Variants in TOP1MT observed in about 807,000 individuals in gnomAD.
TOP1MT encodes the protein DNA topoisomerase I, mitochondrial.
Under a neutral mutation model 73.9 loss-of-function variants are expected in TOP1MT, and 80 were observed. The ratio of observed to expected loss-of-function variants is 1.08; its 90% CI spans 0.90 to 1.30. The LOEUF (loss-of-function observed/expected upper bound fraction) is 1.30, where lower values mean the gene tolerates loss of function less well. Among genes scored for constraint, TOP1MT ranks in the 50% most tolerant of loss-of-function variants. The pLI is 0.00. For synonymous variants in TOP1MT, 338 were observed against 326.4 expected, an observed-to-expected ratio of 1.04 and a Z score of -0.38; for missense variants, 815 against 808.0, an observed-to-expected ratio of 1.01 and a Z score of -0.10.
intron 2 of TOP1MT, among the ~76,000 whole-genome samples, chr8:143,330,271 C>A (rs1816817081): frequency 6.6e-6 from 1 of 152,188 alleles, no homozygotes; most frequent in Non-Finnish European, 1.5e-5. Context: ...TCCACCATGG[C>A]CCTGCATAAG....
chr8:143,343,433 G>C lies in TOP1MT; in HGVS notation c.-38-147C>G, dbSNP rs1457838335. ...ATTTTTCAAAAGTACACCTGGCAAA[G>C]CTGCTGGTGACCCACGTGCTGGGCA... On this transcript the variant is annotated intron_variant, in intron 1 of 5. Coordinates refer to the TOP1MT transcript ENST00000518007. 5 of 355,138 alleles carry C rather than the reference G, an allele frequency of 1.4e-5. No individual in the cohort carries two copies. The East Asian group carries it at 3.8e-4, about 27-fold the overall frequency. The allele number at this position is 355,138 out of a possible 1,614,324, so 22.0% of individuals were successfully genotyped here.
At chr8:143,343,546 C>T (rs527430162) in intron 1 of TOP1MT, 3 of 284,756 alleles carry the variant, frequency 1.1e-5, no homozygotes, top group South Asian at 3.4e-5. Flanking sequence ...TCTCAGGCCC[C>T]TCCCGGCCTC....
chr8:143,330,947 A>AGGGGGGGGGGGGGGGGGGGGGG (rs140746863), intron 2 of TOP1MT, among the ~76,000 whole-genome samples: 12 of 59,742 alleles, frequency 2.0e-4, no homozygotes, highest in African/African-American at 6.1e-4. Flanking sequence ...GGGGGGAGGG[A>AGGGGGGGGGGGGGGGGGGGGGG]GGGGGGGTCC....
intron 8 of TOP1MT, among the ~76,000 whole-genome samples, chr8:143,318,419 G>A (rs1816236858): frequency 6.6e-6 from 1 of 152,230 alleles, no homozygotes; most frequent in Non-Finnish European, 1.5e-5. Flanking sequence ...CCACACCCTT[G>A]TAATGTGAGA....
upstream of TOP1MT, chr8:143,335,021 G>C (rs867924364): frequency 2.5e-5 from 18 of 718,066 alleles, no homozygotes; most frequent in Middle Eastern, 5.0e-4. Flanking sequence ...TGCGGCAGCA[G>C]GACCACTGAC....
At chr8:143,323,285 C>A (rs1816582391) in intron 7 of TOP1MT, among the ~76,000 whole-genome samples, 2 of 99,914 alleles carry the variant, frequency 2.0e-5, no homozygotes, top group Non-Finnish European at 2.0e-5. Flanking sequence ...ACACGCACGC[C>A]ACACACGCAC....
Position 143,315,901 on chromosome 8 carries a change from G to A in TOP1MT, c.1459-80C>T, listed in dbSNP as rs1816145933. On this transcript the variant is annotated intron_variant, in intron 11 of 13. Coordinates refer to ENST00000329245, the MANE Select transcript of TOP1MT (RefSeq NM_052963.3). Reference sequence around the variant, plus strand: ...GTGCCCACACCCTTCCACACCCTACGTGCCCACCGCAGCTGGCTCCCAGGC... The same window carrying A: ...GTGCCCACACCCTTCCACACCCTACATGCCCACCGCAGCTGGCTCCCAGGC... The A allele has an allele frequency of 6.2e-6, 10 of 1,604,864 alleles. No individual in the cohort carries two copies. In the East Asian group the frequency reaches 6.7e-5, roughly 11 times the overall value.
intron 12 of TOP1MT, among the ~76,000 whole-genome samples, chr8:143,310,855 A>G (rs6997070): frequency 0.89 from 134,851 of 152,310 alleles, 59,879 homozygotes; most frequent in African/African-American, 0.97. Context: ...GGGCCGAGGG[A>G]CACATGAGGG....
chr8:143,323,102 C>CACAG (rs1816562651), intron 7 of TOP1MT, among the ~76,000 whole-genome samples: 1 of 139,380 alleles, frequency 7.2e-6, no homozygotes. Context: ...ATGCCAAACA[C>CACAG]GCACGCCACA....
At chr8:143,316,212 A>C in intron 10 of TOP1MT, 86 bp from the exon 11 acceptor site, 1 of 1,592,602 alleles carries the variant, frequency 6.3e-7, no homozygotes, top group Non-Finnish European at 8.6e-7. Flanking sequence ...CGCGCCACAC[A>C]GCGCAGCCCC....
At chr8:143,315,076 C>G (rs548547270) in intron 12 of TOP1MT, among the ~76,000 whole-genome samples, 17 of 152,162 alleles carry the variant, frequency 1.1e-4, no homozygotes, top group Non-Finnish European at 2.1e-4. Flanking sequence ...AGGAAAAACA[C>G]CTGCCACTTA....
intron 1 of TOP1MT, among the ~76,000 whole-genome samples, 184 bp from the exon 2 acceptor site, chr8:143,331,523 G>A (rs540812745): frequency 7.3e-4 from 111 of 152,244 alleles, no homozygotes; most frequent in African/African-American, 2.6e-3. Flanking sequence ...CCCCATGCCC[G>A]TGTACCCGCC....
intron 8 of TOP1MT, among the ~76,000 whole-genome samples, chr8:143,320,332 A>T (rs369292368): frequency 1.3e-5 from 2 of 151,944 alleles, no homozygotes; most frequent in African/African-American, 2.4e-5. Context: ...GGGTTTCACC[A>T]TGTTAGCCAG....
chr8:143,329,602 G>GT, intron 2 of TOP1MT, 131 bp from the exon 3 acceptor site: 1 of 1,089,536 alleles, frequency 9.2e-7, no homozygotes, highest in East Asian at 2.7e-5. Context: ...GCCTTCTTCT[G>GT]TAAGTTCAGA....
At chr8:143,354,502 C>T (rs1417198740) in intron 1 of TOP1MT, among the ~76,000 whole-genome samples, 1 of 152,056 alleles carries the variant, frequency 6.6e-6, no homozygotes, top group African/African-American at 2.4e-5. Context: ...TACCTGAGGT[C>T]GGGAGTTTGA....
chr8:143,351,853 G>A (rs887204503), intron 1 of TOP1MT, among the ~76,000 whole-genome samples: 3 of 152,222 alleles, frequency 2.0e-5, no homozygotes, highest in Admixed American at 2.0e-4. Context: ...GGAGGCCGAG[G>A]CGGGTGGATC....
chr8:143,309,414 C>G lies in TOP1MT; in HGVS notation c.*27G>C, dbSNP rs774381422. ...ATAGTGAAAAAAACACACACACATACAAAAGAAGTTTCAACACGGCTCGTC... is the reference window on the plus strand; with the variant it reads ...ATAGTGAAAAAAACACACACACATAGAAAAGAAGTTTCAACACGGCTCGTC... On this transcript the variant is annotated 3_prime_UTR_variant, in exon 14 of 14. Coordinates refer to ENST00000329245, the MANE Select transcript of TOP1MT (RefSeq NM_052963.3). The G allele has an allele frequency of 1.1e-5, 17 of 1,609,008 alleles. No homozygotes were observed. Among genetic ancestry groups the G allele is most frequent in the Middle Eastern group, 1.7e-4 (1 of 6,052 alleles).
upstream of TOP1MT, among the ~76,000 whole-genome samples, chr8:143,348,879 C>T (rs923469437): frequency 2.0e-5 from 3 of 152,180 alleles, no homozygotes; most frequent in Admixed American, 6.5e-5. The surrounding 1 kb of genome is among the most constrained non-coding windows in gnomAD (Gnocchi z 4.6). Flanking sequence ...CAGCGTACCC[C>T]GACTCAGCAC....
intron 12 of TOP1MT, among the ~76,000 whole-genome samples, chr8:143,311,581 A>C (rs1280729574): frequency 6.6e-6 from 1 of 152,120 alleles, no homozygotes; most frequent in South Asian, 2.1e-4. Context: ...CTCCGTCTCT[A>C]CTAAAAATAC....
Sources: allele counts gnomAD v4.1 joint callset (sites outside exome capture counted in the v4.1 genomes callset), GRCh38; gene constraint gnomAD v4.1.1; non-coding constraint Gnocchi (gnomAD v3.1); transcripts MANE v1.5; gene names NCBI Gene and HGNC (gene_info 2026-07-23, HGNC 2026-07-21).